The following RUNDC3B variants were observed in gnomAD, a reference collection of about 807,000 sequenced individuals.
RUNDC3B encodes the protein RUN domain containing 3B, also known as RUN domain-containing protein 3B.
A neutral mutation model predicts 58.4 loss-of-function variants in RUNDC3B; 33 were observed. That is an observed-to-expected ratio of 0.56 (90% CI 0.43 to 0.75). The LOEUF (loss-of-function observed/expected upper bound fraction) is 0.75, where lower values mean the gene tolerates loss of function less well. RUNDC3B is among the 30% of genes least tolerant of loss of function. The probability of loss-of-function intolerance (pLI) is 0.00; values close to 1 mark genes in which losing one functional copy is unlikely to be tolerated. For missense variants in RUNDC3B, 501 were observed against 535.7 expected (o/e 0.94, Z 0.64); for synonymous variants, 193 against 195.2 (o/e 0.99, Z 0.10).
At chr7:87,631,391 T>A (rs190508142) in intron 1 of RUNDC3B, among the ~76,000 whole-genome samples, 9 of 152,312 alleles carry the variant, frequency 5.9e-5, no homozygotes, top group Admixed American at 1.3e-4. Context: ...TTTTTTAATT[T>A]TTTATTTATT....
intron 8 of RUNDC3B, among the ~76,000 whole-genome samples, chr7:87,802,087 T>A (rs927951247): frequency 1.3e-5 from 2 of 152,224 alleles, no homozygotes; most frequent in Non-Finnish European, 2.9e-5. Context: ...TATTGCTCTG[T>A]ACTTAGTCAA....
intron 2 of RUNDC3B, among the ~76,000 whole-genome samples, chr7:87,652,358 G>A (rs962055812): frequency 9.2e-5 from 14 of 151,892 alleles, no homozygotes; most frequent in Non-Finnish European, 5.9e-5. Context: ...TGCCTCCTGC[G>A]CACTAATCTG....
At chr7:87,800,653 C>CTTT (rs571588791) in intron 8 of RUNDC3B, among the ~76,000 whole-genome samples, 20 of 137,600 alleles carry the variant, frequency 1.5e-4, no homozygotes, top group African/African-American at 3.2e-4. Flanking sequence ...CTTTTCTTTT[C>CTTT]TTTTTTTTTT....
At chr7:87,771,329 G>A (rs1328460315) in intron 7 of RUNDC3B, among the ~76,000 whole-genome samples, 2 of 152,028 alleles carry the variant, frequency 1.3e-5, no homozygotes, top group African/African-American at 2.4e-5. Flanking sequence ...TAAAAATGCA[G>A]TGGGGAAATT....
At chr7:87,700,077 C>T (rs909599124) in intron 2 of RUNDC3B, among the ~76,000 whole-genome samples, 15 of 151,732 alleles carry the variant, frequency 9.9e-5, no homozygotes, top group African/African-American at 2.4e-4. Context: ...TAACTAGAAG[C>T]GCAGGAAGGT....
intron 6 of RUNDC3B, among the ~76,000 whole-genome samples, chr7:87,744,930 A>G (rs1832557661): frequency 6.6e-6 from 1 of 152,180 alleles, no homozygotes; most frequent in South Asian, 2.1e-4. Flanking sequence ...TTTCTCATTC[A>G]GTACTATGTT....
Position 87,807,382 on chromosome 7 carries a change from A to G in RUNDC3B, c.966A>G (p.Leu322=), listed in dbSNP as rs1220038942. 1.2e-6 allele frequency: 2 copies of G among 1,613,666 alleles called. No homozygotes were observed. Among genetic ancestry groups the G allele is most frequent in the Non-Finnish European group, 1.7e-6 (2 of 1,179,642 alleles). Residue 322 remains leucine, a synonymous_variant, in exon 9 of 11, where the codon CTA becomes CTG. Coordinates refer to ENST00000394654, the MANE Select transcript of RUNDC3B (RefSeq NM_001134405.2). The part of the protein sequence containing the change: ...IVELQDQLTV[L]KNNDLRSRQE... ...ATCTTAATATTCACAGGACTGTGCT[A>G]AAGAATAATGATTTAAGATCGAGAC...
At chr7:87,709,799 TGAAA>T (rs1302237662) in intron 3 of RUNDC3B, among the ~76,000 whole-genome samples, 10 of 152,182 alleles carry the variant, frequency 6.6e-5, no homozygotes, top group Admixed American at 3.9e-4. Context: ...TAGAGATTTG[TGAAA>T]GAGTTGAGTG....
At chr7:87,765,318 T>C (rs1338808616) in intron 6 of RUNDC3B, among the ~76,000 whole-genome samples, 1 of 151,972 alleles carries the variant, frequency 6.6e-6, no homozygotes, top group African/African-American at 2.4e-5. Context: ...CTGATGTTTG[T>C]TATTTCTGTC....
chr7:87,659,586 A>C (rs1219971355), intron 2 of RUNDC3B, among the ~76,000 whole-genome samples: 1 of 152,142 alleles, frequency 6.6e-6, no homozygotes, highest in East Asian at 1.9e-4. Context: ...CACCAAAGAT[A>C]ATTTAGAACA....
chr7:87,636,627 T>C (rs2130248192), intron 1 of RUNDC3B, among the ~76,000 whole-genome samples: 1 of 152,356 alleles, frequency 6.6e-6, no homozygotes, highest in African/African-American at 2.4e-5. Context: ...GAAGCCAGCC[T>C]ACTCCAAAGT....
chr7:87,820,694 T>G (rs1414752219), intron 10 of RUNDC3B, among the ~76,000 whole-genome samples: 1 of 151,984 alleles, frequency 6.6e-6, no homozygotes, highest in African/African-American at 2.4e-5. Context: ...TCCACCATGA[T>G]CAAGTGGGCT....
intron 8 of RUNDC3B, among the ~76,000 whole-genome samples, chr7:87,790,639 T>G (rs1388382237): frequency 6.6e-6 from 1 of 151,860 alleles, no homozygotes; most frequent in Non-Finnish European, 1.5e-5. Context: ...ACAAAGAGAT[T>G]GAAATAATTA....
In RUNDC3B at chr7:87,655,639, A is replaced by G. The variant is rs528754073; in HGVS notation, c.238+4702A>G. ...AAAAGGAAATAAGTTCAAGAGATCT[A>G]TTGTACAAAATGTTGACTATAGTTA... On this transcript the variant is annotated intron_variant, in intron 2 of 10. Coordinates refer to ENST00000394654, the MANE Select transcript of RUNDC3B (RefSeq NM_001134405.2). Among the ~76,000 whole-genome samples the G allele has an allele frequency of 8.5e-5, 13 of 152,274 alleles. No individual in the cohort carries two copies. In the South Asian group the frequency reaches 2.5e-3, roughly 29 times the overall value.
intron 2 of RUNDC3B, among the ~76,000 whole-genome samples, chr7:87,654,018 G>A (rs928515469): frequency 3.3e-5 from 5 of 152,010 alleles, no homozygotes; most frequent in Non-Finnish European, 7.4e-5. Context: ...GTTTGCCTGA[G>A]CTGAAGTTTG....
Position 87,830,699 on chromosome 7 carries a change from T to A in RUNDC3B, c.*669T>A, listed in dbSNP as rs1838084908. On this transcript the variant is annotated 3_prime_UTR_variant, in exon 11 of 11. Transcript: ENST00000394654. ...GCCACAAGGAAAATATTTTACAGTA[T>A]TTTATGCCATTTAGGCAAAATGAAT... The A allele has an allele frequency of 6.6e-6, 1 of 151,752 alleles. No individual in the cohort carries two copies. The highest frequency in any genetic ancestry group is 2.4e-5 in the African/African-American group (1 of 41,342). 9.4% of individuals were successfully genotyped at this position (151,752 alleles called of 1,614,324 possible). A position where few individuals can be genotyped will look rare whatever the true frequency, so the allele number is the denominator to read the frequency against.
At chr7:87,630,848 A>G (rs1300237676) in intron 1 of RUNDC3B, among the ~76,000 whole-genome samples, 2 of 152,128 alleles carry the variant, frequency 1.3e-5, no homozygotes, top group Admixed American at 1.3e-4. Context: ...CTTATCAGAG[A>G]CAGTTGAAAA....
intron 8 of RUNDC3B, among the ~76,000 whole-genome samples, chr7:87,798,203 T>A (rs1835914657): frequency 6.6e-6 from 1 of 152,204 alleles, no homozygotes; most frequent in Non-Finnish European, 1.5e-5. Context: ...CCAGATTTAT[T>A]GCAATATTTC....
intron 10 of RUNDC3B, among the ~76,000 whole-genome samples, chr7:87,819,770 C>T (rs966678514): frequency 3.3e-5 from 5 of 152,184 alleles, no homozygotes; most frequent in African/African-American, 1.2e-4. Flanking sequence ...AACTGAACAA[C>T]CTGCTCCTGA....
Sources: allele counts gnomAD v4.1 joint callset (sites outside exome capture counted in the v4.1 genomes callset), GRCh38; gene constraint gnomAD v4.1.1; transcripts MANE v1.5; gene names NCBI Gene and HGNC (gene_info 2026-07-23, HGNC 2026-07-21).